ROBO1: variants seen among roughly 807,000 people sequenced by gnomAD.
ROBO1 encodes roundabout homolog 1.
Under a neutral mutation model 195.9 loss-of-function variants are expected in ROBO1, and 149 were observed. The observed-to-expected ratio is 0.76, with a 90% CI of 0.67 to 0.87. The LOEUF is 0.87. Among genes scored for constraint, ROBO1 ranks in the 40% least tolerant of loss-of-function variants. The probability of loss-of-function intolerance (pLI) is 0.00; values close to 1 mark genes in which losing one functional copy is unlikely to be tolerated. For missense variants in ROBO1, 1,933 were observed against 2,068.3 expected (o/e 0.93, Z 1.27); for synonymous variants, 816 against 733.2 (o/e 1.11, Z -1.82).
intron 2 of ROBO1, among the ~76,000 whole-genome samples, chr3:79,567,998 T>C (rs1367759345): frequency 1.3e-5 from 2 of 152,150 alleles, no homozygotes; most frequent in Non-Finnish European, 2.9e-5. Context: ...GCCCATGACT[T>C]CTTCTACGGC....
chr3:79,657,670 C>T (rs777416582), intron 1 of ROBO1, among the ~76,000 whole-genome samples: 14 of 151,800 alleles, frequency 9.2e-5, no homozygotes, highest in Non-Finnish European at 1.6e-4. Flanking sequence ...AAAACGTTAC[C>T]GAGTCTAAAA....
chr3:78,963,090 G>T lies in ROBO1; in HGVS notation c.173-24163C>A, dbSNP rs1013932710. Among the ~76,000 whole-genome samples the T allele has an allele frequency of 2.9e-3, 429 of 145,744 alleles. 2 individuals carry two copies. Among genetic ancestry groups the T allele is most frequent in the African/African-American group, 0.01 (418 of 39,920 alleles). ...ATTGGATACATGTGATCTCATACTT[G>T]ATATATATATATATATATATTACCT... On this transcript the variant is annotated intron_variant, in intron 3 of 30. Coordinates refer to ENST00000464233, the MANE Select transcript of ROBO1 (RefSeq NM_002941.4).
At chr3:78,925,570 C>T (rs559097026) in intron 4 of ROBO1, among the ~76,000 whole-genome samples, 4 of 152,134 alleles carry the variant, frequency 2.6e-5, no homozygotes, top group Admixed American at 2.6e-4. Flanking sequence ...ACGAAAAACA[C>T]CTTTTTTCAT....
chr3:78,905,642 T>C (rs1341484734), intron 4 of ROBO1, among the ~76,000 whole-genome samples: 1 of 152,072 alleles, frequency 6.6e-6, no homozygotes, highest in Non-Finnish European at 1.5e-5. Flanking sequence ...CTACTGTTGA[T>C]ATCAAATACT....
intron 21 of ROBO1, among the ~76,000 whole-genome samples, chr3:78,641,400 T>C (rs1286501278): frequency 1.3e-5 from 2 of 152,056 alleles, no homozygotes; most frequent in Admixed American, 6.6e-5. Flanking sequence ...AAAGGAAGAG[T>C]GGAGAAAATA....
intron 2 of ROBO1, among the ~76,000 whole-genome samples, chr3:79,217,158 G>C (rs1345257166): frequency 6.6e-6 from 1 of 151,996 alleles, no homozygotes; most frequent in African/African-American, 2.4e-5. Flanking sequence ...TCAGCAACCT[G>C]GTAATCCTAG....
chr3:78,920,668 T>G (rs2038895901), intron 4 of ROBO1, among the ~76,000 whole-genome samples: 1 of 133,004 alleles, frequency 7.5e-6, no homozygotes, highest in African/African-American at 2.9e-5. Flanking sequence ...AAGGTTTTAC[T>G]CTGTTACCCA....
chr3:78,864,741 C>T (rs1035438637), intron 4 of ROBO1, among the ~76,000 whole-genome samples: 1 of 151,246 alleles, frequency 6.6e-6, no homozygotes, highest in African/African-American at 2.4e-5. Context: ...CATACATACA[C>T]TATGTTCTTT....
intron 1 of ROBO1, among the ~76,000 whole-genome samples, chr3:79,752,092 T>C (rs1288417392): frequency 6.6e-6 from 1 of 152,140 alleles, no homozygotes; most frequent in Non-Finnish European, 1.5e-5. Flanking sequence ...CTGATACAAT[T>C]CTGACAGATG....
At chr3:79,738,931 T>G (rs948697233) in intron 1 of ROBO1, among the ~76,000 whole-genome samples, 2 of 152,184 alleles carry the variant, frequency 1.3e-5, no homozygotes, top group Non-Finnish European at 2.9e-5. Flanking sequence ...TGCCAATTGC[T>G]ACTGAAATAC....
At chr3:78,725,716 C>G (rs1324780381) in intron 5 of ROBO1, among the ~76,000 whole-genome samples, 1 of 152,078 alleles carries the variant, frequency 6.6e-6, no homozygotes, top group Non-Finnish European at 1.5e-5. Flanking sequence ...AAATATACTG[C>G]CTTTAAAAAA....
chr3:79,648,566 A>C (rs1297123783), intron 1 of ROBO1, among the ~76,000 whole-genome samples: 1 of 152,092 alleles, frequency 6.6e-6, no homozygotes, highest in Non-Finnish European at 1.5e-5. Context: ...ACGTACTTAA[A>C]ATAATTAATG....
chr3:78,857,311 ACAATC>A (rs2034511612), intron 4 of ROBO1, among the ~76,000 whole-genome samples: 1 of 152,200 alleles, frequency 6.6e-6, no homozygotes, highest in South Asian at 2.1e-4. Flanking sequence ...AATATGTCTT[ACAATC>A]ACAGTAGGTT....
intron 2 of ROBO1, among the ~76,000 whole-genome samples, chr3:79,461,328 C>T (rs999987003): frequency 5.9e-5 from 9 of 152,150 alleles, no homozygotes; most frequent in African/African-American, 1.7e-4. Flanking sequence ...TGGGACTACT[C>T]CTGAGGTGAA....
intron 4 of ROBO1, among the ~76,000 whole-genome samples, chr3:78,782,510 T>C (rs1024122891): frequency 6.6e-6 from 1 of 152,144 alleles, no homozygotes; most frequent in African/African-American, 2.4e-5. Flanking sequence ...AAATTGAAAT[T>C]CTTAATGTCG....
At chr3:78,801,276 CT>C (rs1418595447) in intron 4 of ROBO1, among the ~76,000 whole-genome samples, 1 of 152,148 alleles carries the variant, frequency 6.6e-6, no homozygotes, top group African/African-American at 2.4e-5. Context: ...TTTGCTAAAA[CT>C]CTGTTCAAGG....
At chr3:79,714,955 A>G (rs972294243) in intron 1 of ROBO1, among the ~76,000 whole-genome samples, 2 of 151,842 alleles carry the variant, frequency 1.3e-5, no homozygotes, top group African/African-American at 4.8e-5. Context: ...ATATGTAACT[A>G]ACCTGCACAT....
chr3:79,217,753 G>T (rs1170350152), intron 2 of ROBO1, among the ~76,000 whole-genome samples: 1 of 151,828 alleles, frequency 6.6e-6, no homozygotes, highest in East Asian at 1.9e-4. Context: ...TTTCTTCTGA[G>T]AAATTTGGAG....
At chr3:79,181,394 C>A (rs1285230462) in intron 2 of ROBO1, among the ~76,000 whole-genome samples, 1 of 152,148 alleles carries the variant, frequency 6.6e-6, no homozygotes, top group Non-Finnish European at 1.5e-5. Context: ...AAAATATGCA[C>A]CCTCAGTGCA....
Sources: gnomAD v4.1 joint callset for allele counts (sites outside exome capture counted in the v4.1 genomes callset) on GRCh38, gnomAD v4.1.1 for gene constraint, MANE v1.5 for transcripts, NCBI Gene and HGNC (gene_info 2026-07-23, HGNC 2026-07-21) for gene names.